The following MAP2K1 variants were observed in gnomAD, a reference collection of about 807,000 sequenced individuals.
MAP2K1 encodes dual specificity mitogen-activated protein kinase kinase 1.
A neutral mutation model predicts 46.3 loss-of-function variants in MAP2K1; 16 were observed. The ratio of observed to expected loss-of-function variants is 0.35; its 90% CI spans 0.23 to 0.52. The LOEUF (loss-of-function observed/expected upper bound fraction) is 0.52. Ranked by LOEUF, MAP2K1 falls within the 20% of genes least tolerant of loss-of-function variation. The pLI, the probability that MAP2K1 is intolerant of heterozygous loss-of-function variation, is 0.94. For synonymous variants in MAP2K1, 183 were observed against 185.6 expected, an observed-to-expected ratio of 0.99 and a Z score of 0.11; for missense variants, 263 against 497.1, an observed-to-expected ratio of 0.53 and a Z score of 4.48.
intron 1 of MAP2K1, among the ~76,000 whole-genome samples, chr15:66,411,397 G>C (rs1441224913): frequency 1.3e-5 from 2 of 152,142 alleles, no homozygotes; most frequent in African/African-American, 4.8e-5. Context: ...GCAGGATGTG[G>C]CAAACCAGTG....
At chr15:66,411,309 T>C (rs550015276) in intron 1 of MAP2K1, among the ~76,000 whole-genome samples, 1 of 152,252 alleles carries the variant, frequency 6.6e-6, no homozygotes, top group South Asian at 2.1e-4. Flanking sequence ...GTCATGAATA[T>C]ACTAGGGTCT....
At chr15:66,399,714 A>C (rs1456835053) in intron 1 of MAP2K1, among the ~76,000 whole-genome samples, 1 of 152,170 alleles carries the variant, frequency 6.6e-6, no homozygotes, top group Non-Finnish European at 1.5e-5. Flanking sequence ...CTCCTGCCTC[A>C]GCCTTCTGAG....
rs560866228 is a variant in MAP2K1, at chr15:66,421,931, T to A, written c.81-13096T>A. ...TTATTTTATATCATTCTAGACCAGT[T>A]TGAGCCTCATATCCCCACAAAACTT... On this transcript the variant is annotated intron_variant, in intron 1 of 10. Transcript: ENST00000307102. 7.9e-5 allele frequency among the ~76,000 whole-genome samples: 12 copies of A among 151,822 alleles called. 1 individual carries two copies. Among genetic ancestry groups the A allele is most frequent in the African/African-American group, 2.9e-4 (12 of 41,464 alleles).
chr15:66,397,166 G>A (rs369303557), intron 1 of MAP2K1, among the ~76,000 whole-genome samples: 6 of 151,422 alleles, frequency 4.0e-5, no homozygotes, highest in Non-Finnish European at 5.9e-5. Context: ...CACCACGCCC[G>A]GCTAATTTTT....
intron 1 of MAP2K1, among the ~76,000 whole-genome samples, chr15:66,426,774 T>C (rs1011453801): frequency 6.6e-6 from 1 of 152,258 alleles, no homozygotes; most frequent in Admixed American, 6.5e-5. Context: ...CTTGTGCAAG[T>C]CACTTCTCTG....
At chr15:66,461,983 G>T (rs1567018376) in intron 5 of MAP2K1, among the ~76,000 whole-genome samples, 1 of 152,182 alleles carries the variant, frequency 6.6e-6, no homozygotes, top group Non-Finnish European at 1.5e-5. Context: ...TAGCATTAAA[G>T]TTATGGCATT....
intron 1 of MAP2K1, among the ~76,000 whole-genome samples, chr15:66,420,370 C>T (rs1161443037): frequency 4.0e-5 from 6 of 151,394 alleles, no homozygotes; most frequent in African/African-American, 1.5e-4. Context: ...AGTTTGAGAC[C>T]AGCCTGGGCA....
chr15:66,391,333 G>A (rs575629471), intron 1 of MAP2K1, among the ~76,000 whole-genome samples: 4 of 152,322 alleles, frequency 2.6e-5, no homozygotes, highest in African/African-American at 9.6e-5. Flanking sequence ...CTATCGCCCA[G>A]GCTGGAATGC....
At chr15:66,489,861 T>C in intron 10 of MAP2K1, 98 bp downstream of exon 10, 1 of 1,019,392 alleles carries the variant, frequency 9.8e-7, no homozygotes, top group South Asian at 1.3e-5. Context: ...ATTCATTCCC[T>C]GCCCACTGTG....
At chr15:66,457,149 C>T (rs768844385) in intron 5 of MAP2K1, among the ~76,000 whole-genome samples, 5 of 152,186 alleles carry the variant, frequency 3.3e-5, no homozygotes, top group Admixed American at 6.5e-5. Flanking sequence ...GACCGAGTCT[C>T]GCTCTGTCAC....
chr15:66,441,551 G>A (rs1567011254), intron 3 of MAP2K1, among the ~76,000 whole-genome samples: 1 of 151,876 alleles, frequency 6.6e-6, no homozygotes, highest in Non-Finnish European at 1.5e-5. Context: ...CGTACCTGTG[G>A]TCCCAACTAC....
chr15:66,421,455 T>G (rs75376601), intron 1 of MAP2K1, among the ~76,000 whole-genome samples: 1 of 151,942 alleles, frequency 6.6e-6, no homozygotes, highest in Non-Finnish European at 1.5e-5. Flanking sequence ...TTTTTTTTTT[T>G]CCTTAAGTGC....
At chr15:66,482,221 A>G (rs11634062) in intron 6 of MAP2K1, among the ~76,000 whole-genome samples, 134,207 of 152,178 alleles carry the variant, frequency 0.88, 59,281 homozygotes, top group African/African-American at 0.93. Context: ...GCTCAGATAT[A>G]ATCCACCCCA....
chr15:66,413,150 C>T (rs58704222), intron 1 of MAP2K1, among the ~76,000 whole-genome samples: 10,503 of 152,162 alleles, frequency 0.069, 1,199 homozygotes, highest in African/African-American at 0.24. Context: ...CCTGCCTCGG[C>T]CTCCCAAAGT....
chr15:66,473,618 A>G (rs1221718465), intron 5 of MAP2K1, among the ~76,000 whole-genome samples: 2 of 151,786 alleles, frequency 1.3e-5, no homozygotes, highest in Non-Finnish European at 2.9e-5. Context: ...TTCTCTCTGT[A>G]CCCCCTATAC....
At chr15:66,398,286 C>T (rs973555838) in intron 1 of MAP2K1, among the ~76,000 whole-genome samples, 5 of 151,882 alleles carry the variant, frequency 3.3e-5, no homozygotes, top group South Asian at 2.1e-4. Flanking sequence ...TGTGGTGGTG[C>T]GTGCGTGTAG....
intron 8 of MAP2K1, 82 bp from the exon 9 acceptor site, chr15:66,489,133 C>T: frequency 9.4e-7 from 1 of 1,062,352 alleles, no homozygotes; most frequent in Admixed American, 1.7e-5. Context: ...GTAGCACTGG[C>T]TGGTGGGAGG....
At chr15:66,402,471 C>A (rs946222973) in intron 1 of MAP2K1, among the ~76,000 whole-genome samples, 1 of 152,116 alleles carries the variant, frequency 6.6e-6, no homozygotes, top group Non-Finnish European at 1.5e-5. Context: ...CCCACTCTTA[C>A]GTAGTTTTGA....
chr15:66,394,538 C>T (rs892719410), intron 1 of MAP2K1, among the ~76,000 whole-genome samples: 3 of 148,976 alleles, frequency 2.0e-5, no homozygotes, highest in African/African-American at 7.4e-5. Context: ...TCACTATAAC[C>T]TTGAACTCCT....
Sources: gnomAD v4.1 joint callset for allele counts (sites outside exome capture counted in the v4.1 genomes callset) on GRCh38, gnomAD v4.1.1 for gene constraint, MANE v1.5 for transcripts, NCBI Gene and HGNC (gene_info 2026-07-23, HGNC 2026-07-21) for gene names.